LRIG2: variants seen among roughly 807,000 people sequenced by gnomAD.
LRIG2 encodes the protein leucine-rich repeats and immunoglobulin-like domains protein 2.
LRIG2 carries 93 observed loss-of-function variants against 107.8 expected under a neutral mutation model. The observed-to-expected ratio is 0.86, with a 90% confidence interval of 0.73 to 1.03. The LOEUF (loss-of-function observed/expected upper bound fraction) is 1.03, where lower values mean the gene tolerates loss of function less well. LRIG2 is among the 50% of genes least tolerant of loss of function. The pLI, the probability that LRIG2 is intolerant of heterozygous loss-of-function variation, is 0.00. For missense variants in LRIG2, 1,226 were observed against 1,296.0 expected, an observed-to-expected ratio of 0.95 and a Z score of 0.83; for synonymous variants, 471 against 470.6, an observed-to-expected ratio of 1.00 and a Z score of -0.01.
chr1:113,089,676 C>CTTTTTTTTTTTTTTT (rs35515644), intron 1 of LRIG2, among the ~76,000 whole-genome samples: 2 of 71,672 alleles, frequency 2.8e-5, no homozygotes, highest in Non-Finnish European at 2.5e-5. Context: ...AGGTGGATTG[C>CTTTTTTTTTTTTTTT]TTTTTTTTTT....
rs1557928926 is a variant in LRIG2, at chr1:113,129,968, G to C, written c.*5867G>C. Reference sequence around the variant, plus strand: ...TGCAATGGTGTGAACGTGGCTCACTGTCGTCACTGCAGCCTTGATATCTCA... The same window carrying C: ...TGCAATGGTGTGAACGTGGCTCACTCTCGTCACTGCAGCCTTGATATCTCA... On this transcript the variant is annotated 3_prime_UTR_variant, in exon 18 of 18. Coordinates refer to ENST00000361127, the MANE Select transcript of LRIG2 (RefSeq NM_014813.3). 1 of 152,010 alleles carries C rather than the reference G, an allele frequency of 6.6e-6. No homozygotes were observed. The highest frequency in any genetic ancestry group is 1.9e-4 in the East Asian group (1 of 5,184). 9.4% of individuals were successfully genotyped at this position (152,010 alleles called of 1,614,324 possible).
At position 113,107,654 on chromosome 1, in the gene LRIG2, G is replaced by A. The variant is rs574137497; in HGVS notation, c.1374G>A (p.Leu458=). 2.5e-6 allele frequency: 4 copies of A among 1,613,812 alleles called. No homozygotes were observed. The South Asian group carries it at 4.4e-5, about 18-fold the overall frequency. Residue 458 remains leucine, a synonymous_variant, in exon 12 of 18, where the codon TTG becomes TTA. Transcript: ENST00000361127. ...DCHLKWLLQW[L]VDNNFQHSVN... ...ATTTGAAGTGGCTACTTCAATGGTT[G>A]GTTGATAATAACTTTCAACATTCTG... is the stretch of plus-strand genomic sequence containing the variant.
chr1:113,113,211 C>CAA (rs11454182), intron 14 of LRIG2, among the ~76,000 whole-genome samples: 1,432 of 136,664 alleles, frequency 0.01, 23 homozygotes, highest in African/African-American at 0.031. Flanking sequence ...AAATTTAATA[C>CAA]AAAAAAAAAA....
intron 11 of LRIG2, 80 bp downstream of exon 11, chr1:113,100,568 C>A (rs982458806): frequency 5.2e-6 from 4 of 763,252 alleles, no homozygotes; most frequent in East Asian, 2.7e-5. Flanking sequence ...GGGAGTGACC[C>A]AAGTTATTTC....
chr1:113,111,634 A>T (rs985951271), intron 13 of LRIG2, among the ~76,000 whole-genome samples: 1 of 152,232 alleles, frequency 6.6e-6, no homozygotes, highest in African/African-American at 2.4e-5. Flanking sequence ...TTCCTGCAAA[A>T]GCTTCTTAAA....
chr1:113,115,716 C>T (rs796961612), intron 15 of LRIG2, among the ~76,000 whole-genome samples: 17 of 151,930 alleles, frequency 1.1e-4, no homozygotes, highest in African/African-American at 3.1e-4. Context: ...TTAGTTGAGA[C>T]GGGGTTTCAC....
Position 113,116,203 on chromosome 1 carries a change from A to G in LRIG2, c.2531-84A>G, listed in dbSNP as rs1655001002. 3.3e-6 allele frequency: 4 copies of G among 1,206,050 alleles called. No homozygotes were observed. In the East Asian group the frequency reaches 7.3e-5, roughly 22 times the overall value. The allele number at this position is 1,206,050 out of a possible 1,614,324, so 74.7% of individuals were successfully genotyped here. ...TACAGTTTTTCTTGCTAATAGTATC[A>G]AAGTGGAACACATTTGCAAAATAGT... On this transcript the variant is annotated intron_variant, in intron 15 of 17. Transcript: ENST00000361127.
chr1:113,121,226 G>A (rs1655239966), intron 17 of LRIG2, among the ~76,000 whole-genome samples: 1 of 152,198 alleles, frequency 6.6e-6, no homozygotes, highest in South Asian at 2.1e-4. Context: ...GGTCATAAGT[G>A]AGAACGCAGT....
intron 13 of LRIG2, among the ~76,000 whole-genome samples, chr1:113,110,788 C>G (rs1311430851): frequency 1.3e-5 from 2 of 152,118 alleles, no homozygotes; most frequent in African/African-American, 2.4e-5. Flanking sequence ...TGCTGTGGCC[C>G]TAGGAGATGT....
At chr1:113,099,017 G>T (rs1037109643) in intron 9 of LRIG2, among the ~76,000 whole-genome samples, 11 of 151,774 alleles carry the variant, frequency 7.2e-5, no homozygotes, top group African/African-American at 2.7e-4. Context: ...TACAACCTCT[G>T]CCTCCTAGGT....
In LRIG2 at chr1:113,073,215, C is replaced by A. The variant is rs893785144; in HGVS notation, c.-192C>A. ...GGAGGGGCGGACGAGAGGTGTCCGTCAGGCCGTGTGTCCCAGGCCGTCGAC... is the reference window on the plus strand; with the variant it reads ...GGAGGGGCGGACGAGAGGTGTCCGTAAGGCCGTGTGTCCCAGGCCGTCGAC... On this transcript the variant is annotated 5_prime_UTR_variant, in exon 1 of 18. Coordinates refer to ENST00000361127, the MANE Select transcript of LRIG2 (RefSeq NM_014813.3). 4.9e-5 allele frequency: 29 copies of A among 595,226 alleles called. No individual in the cohort carries two copies. The East Asian group carries it at 6.6e-4, about 13-fold the overall frequency. 36.9% of individuals were successfully genotyped at this position (595,226 alleles called of 1,614,324 possible).
Position 113,131,659 on chromosome 1 carries a change from G to C in LRIG2, c.*7558G>C, listed in dbSNP as rs1055189175. 5.3e-5 allele frequency: 8 copies of C among 152,038 alleles called. No individual in the cohort carries two copies. The highest frequency in any genetic ancestry group is 3.3e-4 in the Admixed American group (5 of 15,264). The allele number at this position is 152,038 out of a possible 1,614,324, so 9.4% of individuals were successfully genotyped here. A position where few individuals can be genotyped will look rare whatever the true frequency, so the allele number is the denominator to read the frequency against. On this transcript the variant is annotated 3_prime_UTR_variant, in exon 18 of 18. Transcript: ENST00000361127. Reference sequence around the variant, plus strand: ...GTCTAAACCAACATCAGTTAGCCTTGATTTTCTTTCTTTTTTGGACAATTG... The same window carrying C: ...GTCTAAACCAACATCAGTTAGCCTTCATTTTCTTTCTTTTTTGGACAATTG...
intron 1 of LRIG2, among the ~76,000 whole-genome samples, chr1:113,077,790 G>T (rs1343376905): frequency 6.6e-6 from 1 of 151,598 alleles, no homozygotes; most frequent in Admixed American, 6.6e-5. Context: ...CAACTTGCAG[G>T]TTTGTTACAT....
chr1:113,107,803 C>T (rs1346110955), intron 12 of LRIG2, 46 bp downstream of exon 12: 1 of 1,491,740 alleles, frequency 6.7e-7, no homozygotes, highest in African/African-American at 1.4e-5. Flanking sequence ...CACTTATAAT[C>T]TTAACAGAAT....
At chr1:113,083,940 C>T (rs1653406729) in intron 1 of LRIG2, among the ~76,000 whole-genome samples, 1 of 149,946 alleles carries the variant, frequency 6.7e-6, no homozygotes, top group African/African-American at 2.4e-5. Flanking sequence ...CAATGTGGCA[C>T]ATCTATACAT....
intron 1 of LRIG2, among the ~76,000 whole-genome samples, chr1:113,087,424 C>T (rs1653606554): frequency 6.6e-6 from 1 of 152,220 alleles, no homozygotes; most frequent in Non-Finnish European, 1.5e-5. Flanking sequence ...TCGCAGCTCA[C>T]TGCAACCTCC....
chr1:113,106,392 G>A (rs938556830), intron 11 of LRIG2, among the ~76,000 whole-genome samples: 14 of 152,184 alleles, frequency 9.2e-5, no homozygotes, highest in Non-Finnish European at 2.1e-4. Context: ...AGGGGTCATT[G>A]AGAGAAAATA....
chr1:113,088,776 C>A (rs1415959944), intron 1 of LRIG2, among the ~76,000 whole-genome samples: 1 of 152,130 alleles, frequency 6.6e-6, no homozygotes, highest in African/African-American at 2.4e-5. Context: ...AGTCAAAACA[C>A]CACAAAACAA....
chr1:113,107,214 C>T (rs1412932183), intron 11 of LRIG2, among the ~76,000 whole-genome samples: 2 of 152,050 alleles, frequency 1.3e-5, no homozygotes, highest in Non-Finnish European at 2.9e-5. Context: ...TCACCATTAC[C>T]ACACCCAAAG....
Sources: allele counts gnomAD v4.1 joint callset (sites outside exome capture counted in the v4.1 genomes callset), GRCh38; gene constraint gnomAD v4.1.1; transcripts MANE v1.5; gene names NCBI Gene and HGNC (gene_info 2026-07-23, HGNC 2026-07-21).